UBE2D2: variants seen among roughly 807,000 people sequenced by gnomAD.
The protein encoded by UBE2D2 is ubiquitin-conjugating enzyme E2 D2.
A neutral mutation model predicts 24.2 loss-of-function variants in UBE2D2; 2 were observed. The observed-to-expected ratio is 0.08, with a 90% CI of 0.03 to 0.26. The LOEUF (loss-of-function observed/expected upper bound fraction) is 0.26, where lower values mean the gene tolerates loss of function less well. Among genes scored for constraint, UBE2D2 ranks in the 10% least tolerant of loss-of-function variants. The probability of loss-of-function intolerance (pLI) is 1.00; values close to 1 mark genes in which losing one functional copy is unlikely to be tolerated. For missense variants in UBE2D2, 44 were observed against 177.6 expected (o/e 0.25, Z 4.28); for synonymous variants, 58 against 56.5 (o/e 1.03, Z -0.12).
intron 1 of UBE2D2, among the ~76,000 whole-genome samples, chr5:139,595,574 C>T (rs1386844360): frequency 7.9e-5 from 12 of 152,010 alleles, no homozygotes; most frequent in African/African-American, 2.7e-4. Context: ...GATGGGGTTT[C>T]GCCATGTTGG....
intron 1 of UBE2D2, among the ~76,000 whole-genome samples, chr5:139,581,198 C>T (rs1355486114): frequency 6.6e-6 from 1 of 152,066 alleles, no homozygotes; most frequent in Non-Finnish European, 1.5e-5. Flanking sequence ...CCTGTAATCC[C>T]AGCACTTTGG....
At chr5:139,604,266 G>T (rs1008919288) in intron 2 of UBE2D2, among the ~76,000 whole-genome samples, 1 of 150,678 alleles carries the variant, frequency 6.6e-6, no homozygotes, top group Admixed American at 6.7e-5. Context: ...TCAGCCTCCC[G>T]AGTAGCTGAT....
intron 5 of UBE2D2, among the ~76,000 whole-genome samples, chr5:139,615,672 A>C (rs921721992): frequency 5.3e-5 from 8 of 152,164 alleles, no homozygotes; most frequent in African/African-American, 1.9e-4. Context: ...GTTCTTGAAG[A>C]ACAAAATATA....
chr5:139,579,435 CT>C (rs1753548363), intron 1 of UBE2D2, among the ~76,000 whole-genome samples: 1 of 152,178 alleles, frequency 6.6e-6, no homozygotes, highest in South Asian at 2.1e-4. Flanking sequence ...GCGTGAACCA[CT>C]GTGCCTGGCC....
chr5:139,571,604 G>A (rs1000531187), intron 1 of UBE2D2, among the ~76,000 whole-genome samples: 3 of 152,110 alleles, frequency 2.0e-5, no homozygotes, highest in Admixed American at 2.0e-4. Flanking sequence ...AGATACAGGC[G>A]ATCTTGACTG....
intron 1 of UBE2D2, among the ~76,000 whole-genome samples, chr5:139,585,862 G>A (rs1449810243): frequency 6.0e-5 from 9 of 149,948 alleles, no homozygotes; most frequent in Admixed American, 2.0e-4. Flanking sequence ...ACTTGAACCC[G>A]GGAGGTGGAG....
chr5:139,626,608 C>A, intron 6 of UBE2D2, 148 bp from the exon 7 acceptor site: 1 of 665,178 alleles, frequency 1.5e-6, no homozygotes, highest in Admixed American at 2.9e-5. Context: ...TTGAATTAAT[C>A]CTTATCAGAA....
At chr5:139,586,204 T>C (rs1319921068) in intron 1 of UBE2D2, among the ~76,000 whole-genome samples, 1 of 152,000 alleles carries the variant, frequency 6.6e-6, no homozygotes, top group African/African-American at 2.4e-5. Context: ...TTTTTTTTTT[T>C]TAAATCTCAG....
chr5:139,566,377 AGGTCATGCACAGTG>A (rs59548103), intron 1 of UBE2D2, among the ~76,000 whole-genome samples: 149,384 of 151,788 alleles, frequency 0.98, 73,510 homozygotes, highest in South Asian at 1. Context: ...TAAAGATTTC[AGGTCATGCACAGTG>A]GGTCATGCAC....
At chr5:139,608,232 G>C (rs989245329) in intron 2 of UBE2D2, among the ~76,000 whole-genome samples, 1 of 152,048 alleles carries the variant, frequency 6.6e-6, no homozygotes, top group Admixed American at 6.6e-5. Flanking sequence ...AGGAGTTTGA[G>C]ACCAGTCTGG....
At chr5:139,592,596 CTTTTTT>C (rs34558950) in intron 1 of UBE2D2, among the ~76,000 whole-genome samples, 2 of 104,906 alleles carry the variant, frequency 1.9e-5, no homozygotes, top group African/African-American at 7.4e-5. Flanking sequence ...GTTCAGTAAT[CTTTTTT>C]TTTTTTTTTT....
chr5:139,561,481 G>A lies in UBE2D2; in HGVS notation c.-311G>A, dbSNP rs1753087479. 2.8e-6 allele frequency: 1 copy of A among 352,280 alleles called. No individual in the cohort carries two copies. The highest frequency in any genetic ancestry group is 5.1e-6 in the Non-Finnish European group (1 of 195,266). The allele number at this position is 352,280 out of a possible 1,614,324, so 21.8% of individuals were successfully genotyped here. A position where few individuals can be genotyped will look rare whatever the true frequency, so the allele number is the denominator to read the frequency against. On this transcript the variant is annotated 5_prime_UTR_variant, in exon 1 of 7. Coordinates refer to ENST00000398733, the MANE Select transcript of UBE2D2 (RefSeq NM_003339.3). ...GCTTGGGCTTTTGCTTTCTGGCGGA[G>A]GGATCTGCGGCGGTTTAGGAGGCGG...
At chr5:139,597,697 G>T (rs987353093) in intron 1 of UBE2D2, among the ~76,000 whole-genome samples, 1 of 152,186 alleles carries the variant, frequency 6.6e-6, no homozygotes, top group African/African-American at 2.4e-5. Context: ...TGTTGCTATA[G>T]CAATGTCTTA....
intron 1 of UBE2D2, among the ~76,000 whole-genome samples, chr5:139,536,623 T>C (rs1305006613): frequency 6.6e-6 from 1 of 152,052 alleles, no homozygotes; most frequent in African/African-American, 2.4e-5. Flanking sequence ...CCCAAAGTGC[T>C]AGGATTACAG....
chr5:139,605,320 C>T (rs1455177283), intron 2 of UBE2D2, among the ~76,000 whole-genome samples: 2 of 151,996 alleles, frequency 1.3e-5, no homozygotes, highest in Admixed American at 6.6e-5. Context: ...CAGCCGGGCC[C>T]GGTGGCTCAC....
chr5:139,572,694 G>T (rs1348994835), intron 1 of UBE2D2, among the ~76,000 whole-genome samples: 2 of 145,374 alleles, frequency 1.4e-5, no homozygotes, highest in African/African-American at 5.1e-5. Flanking sequence ...TGCCCAGGCT[G>T]TAGTGCAATG....
At chr5:139,608,026 A>C (rs1401106905) in intron 2 of UBE2D2, among the ~76,000 whole-genome samples, 1 of 152,174 alleles carries the variant, frequency 6.6e-6, no homozygotes, top group South Asian at 2.1e-4. Flanking sequence ...GGAAAAAAAA[A>C]AAAAAACTTA....
intron 5 of UBE2D2, among the ~76,000 whole-genome samples, chr5:139,618,886 G>C (rs990962952): frequency 1.3e-5 from 2 of 152,072 alleles, no homozygotes; most frequent in African/African-American, 4.8e-5. Flanking sequence ...CCTTAATCCT[G>C]TATATGATAT....
At chr5:139,546,036 A>G (rs1245876729) in intron 1 of UBE2D2, among the ~76,000 whole-genome samples, 2 of 147,830 alleles carry the variant, frequency 1.4e-5, no homozygotes, top group African/African-American at 2.5e-5. Context: ...CTTAAATTCT[A>G]TTTCTTTCTT....
Sources: gnomAD v4.1 joint callset for allele counts (sites outside exome capture counted in the v4.1 genomes callset) on GRCh38, gnomAD v4.1.1 for gene constraint, MANE v1.5 for transcripts, NCBI Gene and HGNC (gene_info 2026-07-23, HGNC 2026-07-21) for gene names.